Variants in SV2C observed in about 807,000 individuals in gnomAD.
SV2C encodes solute carrier family 22 member B3.
Under a neutral mutation model 79.7 loss-of-function variants are expected in SV2C, and 49 were observed. The ratio of observed to expected loss-of-function variants is 0.61; its 90% CI spans 0.49 to 0.78. SV2C has a LOEUF of 0.78. Ranked by LOEUF, SV2C falls within the 30% of genes least tolerant of loss-of-function variation. The pLI, the probability that SV2C is intolerant of heterozygous loss-of-function variation, is 0.00. For synonymous variants in SV2C, 334 were observed against 333.2 expected, an observed-to-expected ratio of 1.00 and a Z score of -0.03; for missense variants, 833 against 912.9, an observed-to-expected ratio of 0.91 and a Z score of 1.13.
At chr5:76,245,579 T>G (rs890076385) in intron 4 of SV2C, among the ~76,000 whole-genome samples, 5 of 152,168 alleles carry the variant, frequency 3.3e-5, no homozygotes, top group African/African-American at 1.2e-4. Context: ...TTTAAGAGTT[T>G]TTGATATTTT....
the SV2C span, among the ~76,000 whole-genome samples, chr5:76,043,683 A>G: frequency 6.6e-6 from 1 of 152,214 alleles, no homozygotes; most frequent in African/African-American, 2.4e-5. Flanking sequence ...GCCAAGTGCC[A>G]CAGAGTGTAT....
At chr5:76,277,243 T>C (rs1330847728) in intron 4 of SV2C, among the ~76,000 whole-genome samples, 1 of 152,194 alleles carries the variant, frequency 6.6e-6, no homozygotes, top group Non-Finnish European at 1.5e-5. Context: ...ACCATTCCAC[T>C]CCTACATATT....
At chr5:76,349,846 A>G (rs1217010563) in intron 12 of SV2C, among the ~76,000 whole-genome samples, 2 of 152,108 alleles carry the variant, frequency 1.3e-5, no homozygotes, top group South Asian at 2.1e-4. Context: ...ATCAATGGCT[A>G]CACTTTTAAA....
the SV2C span, among the ~76,000 whole-genome samples, chr5:75,850,164 A>C: frequency 8.8e-3 from 1,346 of 152,258 alleles, 14 homozygotes; most frequent in African/African-American, 0.029. Context: ...ATATTATGAC[A>C]CTCTCATCAA....
chr5:75,854,497 T>C, the SV2C span, among the ~76,000 whole-genome samples: 1 of 152,222 alleles, frequency 6.6e-6, no homozygotes, highest in East Asian at 1.9e-4. Context: ...ATTCTCATAT[T>C]GGTCATTCAA....
At chr5:76,011,266 C>T in the SV2C span, among the ~76,000 whole-genome samples, 7 of 152,188 alleles carry the variant, frequency 4.6e-5, 1 homozygote, top group East Asian at 5.8e-4. Context: ...ATAATAGCCA[C>T]GATTTATCTA....
the SV2C span, among the ~76,000 whole-genome samples, chr5:75,949,607 T>G: frequency 6.6e-6 from 1 of 151,776 alleles, no homozygotes; most frequent in African/African-American, 2.4e-5. Context: ...GTGGTGAATA[T>G]GTCTCACCAG....
At chr5:76,321,446 A>AAAT (rs1748827001) in intron 12 of SV2C, among the ~76,000 whole-genome samples, 1 of 152,174 alleles carries the variant, frequency 6.6e-6, no homozygotes, top group African/African-American at 2.4e-5. Flanking sequence ...CTCATGAACA[A>AAAT]AATTAAGTTT....
the SV2C span, among the ~76,000 whole-genome samples, chr5:75,849,299 G>A: frequency 0.035 from 5,256 of 152,248 alleles, 268 homozygotes; most frequent in African/African-American, 0.11. Flanking sequence ...GGTTACAAAT[G>A]CTAAGCTTCA....
chr5:76,144,099 C>T lies in SV2C; in HGVS notation c.580+11769C>T, dbSNP rs117498870. ...GTGGTTACGCAACAATGTGAATGTACTCAACATCACATCATAGTAAGATGA... is the reference window on the plus strand; with the variant it reads ...GTGGTTACGCAACAATGTGAATGTATTCAACATCACATCATAGTAAGATGA... On this transcript the variant is annotated intron_variant, in intron 2 of 12. Transcript: ENST00000502798. Among the ~76,000 whole-genome samples the T allele has an allele frequency of 6.4e-4, 97 of 152,218 alleles. No individual in the cohort carries two copies. The East Asian group carries it at 0.013, about 20-fold the overall frequency.
intron 4 of SV2C, among the ~76,000 whole-genome samples, chr5:76,231,243 CT>C (rs1368625295): frequency 6.6e-6 from 1 of 152,050 alleles, no homozygotes; most frequent in African/African-American, 2.4e-5. Context: ...AATTTTTTAC[CT>C]TTTAATAAGT....
chr5:76,019,333 T>C, the SV2C span, among the ~76,000 whole-genome samples: 1 of 152,104 alleles, frequency 6.6e-6, no homozygotes, highest in Non-Finnish European at 1.5e-5. Flanking sequence ...AAACCAGAAT[T>C]CAGTGGGTTG....
chr5:76,059,730 T>C, the SV2C span, among the ~76,000 whole-genome samples: 2 of 152,156 alleles, frequency 1.3e-5, no homozygotes. Flanking sequence ...CTTCCTCCTA[T>C]GAATCACAAA....
the SV2C span, among the ~76,000 whole-genome samples, chr5:76,065,896 A>G: frequency 6.6e-6 from 1 of 152,182 alleles, no homozygotes; most frequent in African/African-American, 2.4e-5. Flanking sequence ...ACTTTAGGAT[A>G]GACTCCGGAA....
intron 2 of SV2C, among the ~76,000 whole-genome samples, chr5:76,177,940 G>A (rs1743593721): frequency 6.6e-6 from 1 of 151,994 alleles, no homozygotes; most frequent in South Asian, 2.1e-4. Context: ...CTGATATAGA[G>A]GAGATTTCTC....
the SV2C span, among the ~76,000 whole-genome samples, chr5:75,951,684 TG>T: frequency 6.6e-6 from 1 of 152,052 alleles, no homozygotes; most frequent in East Asian, 1.9e-4. Context: ...CAGAAAACCC[TG>T]TAAGTTCTGT....
intron 2 of SV2C, among the ~76,000 whole-genome samples, chr5:76,138,482 G>A (rs1346323995): frequency 6.6e-6 from 1 of 152,142 alleles, no homozygotes; most frequent in Non-Finnish European, 1.5e-5. Flanking sequence ...AACCTTAATA[G>A]AAGATATCAC....
chr5:76,027,208 C>T, the SV2C span, among the ~76,000 whole-genome samples: 11 of 151,440 alleles, frequency 7.3e-5, no homozygotes, highest in Admixed American at 7.2e-4. Flanking sequence ...ATTACAGGCG[C>T]CCACCACCAC....
chr5:75,965,093 T>C, the SV2C span, among the ~76,000 whole-genome samples: 1 of 152,156 alleles, frequency 6.6e-6, no homozygotes, highest in East Asian at 1.9e-4. Context: ...GTAAAGATCA[T>C]GAACTTGCAG....
Sources: gnomAD v4.1 joint callset for allele counts (sites outside exome capture counted in the v4.1 genomes callset) on GRCh38, gnomAD v4.1.1 for gene constraint, MANE v1.5 for transcripts, NCBI Gene and HGNC (gene_info 2026-07-23, HGNC 2026-07-21) for gene names.